SPATA3: variants seen among roughly 807,000 people sequenced by gnomAD.
SPATA3 encodes spermatogenesis associated 3.
A neutral mutation model predicts 5.7 loss-of-function variants in SPATA3; 6 were observed. That is an observed-to-expected ratio of 1.06 (90% CI 0.58 to 2.09). The LOEUF (loss-of-function observed/expected upper bound fraction) is 2.09. SPATA3 is among the 30% of genes most tolerant of loss of function. The probability of loss-of-function intolerance (pLI) is 0.00; values close to 1 mark genes in which losing one functional copy is unlikely to be tolerated. For missense variants in SPATA3, 155 were observed against 130.4 expected, an observed-to-expected ratio of 1.19 and a Z score of -0.92; for synonymous variants, 44 against 48.4, an observed-to-expected ratio of 0.91 and a Z score of 0.37.
chr2:230,996,946 AC>A (rs1559192691), intron 1 of SPATA3, among the ~76,000 whole-genome samples: 1 of 152,224 alleles, frequency 6.6e-6, no homozygotes, highest in Non-Finnish European at 1.5e-5. Flanking sequence ...AAGATGCCTG[AC>A]AAACTAGTCC....
chr2:230,996,496 A>G (rs920394419), intron 1 of SPATA3: 1 of 1,551,980 alleles, frequency 6.4e-7, no homozygotes, highest in African/African-American at 1.4e-5. Context: ...TTATCTCCAG[A>G]TGCTAACGTG....
Position 230,999,928 on chromosome 2 carries a change from C to T in SPATA3, c.791-438C>T, listed in dbSNP as rs75688175. 976 of 159,502 alleles carry T rather than the reference C, an allele frequency of 6.1e-3. 8 individuals are homozygous for T. The highest frequency in any genetic ancestry group is 0.022 in the African/African-American group (917 of 41,724). 9.9% of individuals were successfully genotyped at this position (159,502 alleles called of 1,614,324 possible). Reference sequence around the variant, plus strand: ...GGCATATCCCTTAAATTAGCTGAGCCTCAGTTTCCTTATTTGTAAAACAAG... The same window carrying T: ...GGCATATCCCTTAAATTAGCTGAGCTTCAGTTTCCTTATTTGTAAAACAAG... On this transcript the variant is annotated intron_variant, in intron 1 of 2. Transcript: ENST00000645363.
chr2:230,999,681 G>GACAGAA (rs969746334), intron 1 of SPATA3: 2 of 169,018 alleles, frequency 1.2e-5, no homozygotes, highest in African/African-American at 4.8e-5. Flanking sequence ...ACCAGAGGAG[G>GACAGAA]ACAGAAACAG....
intron 6 of SPATA3, among the ~76,000 whole-genome samples, chr2:231,016,472 T>C (rs1363732472): frequency 1.6e-5 from 2 of 127,502 alleles, no homozygotes; most frequent in African/African-American, 6.3e-5. Flanking sequence ...TGGATCGAGA[T>C]CAGCCTGGTC....
chr2:231,018,756 G>T (rs1246383595), intron 6 of SPATA3, among the ~76,000 whole-genome samples: 1 of 151,678 alleles, frequency 6.6e-6, no homozygotes, highest in Non-Finnish European at 1.5e-5. Context: ...CATAATCTCA[G>T]CTCACTGCAA....
chr2:231,007,759 TG>T (rs1272443328), downstream of SPATA3, among the ~76,000 whole-genome samples: 1 of 152,224 alleles, frequency 6.6e-6, no homozygotes, highest in African/African-American at 2.4e-5. Context: ...AGCCAGTGCC[TG>T]GTGCGATTCT....
intron 2 of SPATA3, among the ~76,000 whole-genome samples, chr2:231,001,844 A>G (rs562082492): frequency 4.6e-5 from 7 of 152,348 alleles, no homozygotes; most frequent in African/African-American, 1.7e-4. Flanking sequence ...TGTGTCCTCT[A>G]GGAGAGGCTC....
downstream of SPATA3, among the ~76,000 whole-genome samples, chr2:231,011,085 A>AAAAAAAAG (rs568384228): frequency 6.8e-6 from 1 of 146,182 alleles, no homozygotes; most frequent in African/African-American, 2.7e-5. Flanking sequence ...AAAAAAAAAA[A>AAAAAAAAG]AAAAGAAAAG....
chr2:231,018,986 AGAT>A (rs1693004074), intron 6 of SPATA3, among the ~76,000 whole-genome samples: 1 of 42,322 alleles, frequency 2.4e-5, no homozygotes, highest in Non-Finnish European at 4.8e-5. Context: ...TTTTTTTTTG[AGAT>A]GGAGTCTCAC....
downstream of SPATA3, among the ~76,000 whole-genome samples, chr2:231,005,139 CCACCACCAT>C (rs1205159791): frequency 7.5e-5 from 3 of 39,978 alleles, no homozygotes; most frequent in South Asian, 1.7e-3. Flanking sequence ...ATCATCACCA[CCACCACCAT>C]CACCATCACC....
chr2:231,006,777 T>C (rs1259398280), downstream of SPATA3: 1 of 152,206 alleles, frequency 6.6e-6, no homozygotes, highest in East Asian at 1.9e-4. Flanking sequence ...AAGATGCTTC[T>C]AGAATTTTCT....
At chr2:231,011,072 C>CAAAAAAAAAAAAA (rs556496371), downstream of SPATA3, among the ~76,000 whole-genome samples, 203 of 79,642 alleles carry the variant, frequency 2.5e-3, 3 homozygotes, top group Admixed American at 2.8e-3. Context: ...GACCCTGTCT[C>CAAAAAAAAAAAAA]AAAAAAAAAA....
In SPATA3 at chr2:231,019,220, T is replaced by C. The variant is rs181924015; in HGVS notation, c.*566-500T>C. 3.2e-3 allele frequency among the ~76,000 whole-genome samples: 482 copies of C among 149,852 alleles called. 15 individuals carry two copies. Among genetic ancestry groups the C allele is most frequent in the African/African-American group, 0.011 (452 of 40,342 alleles). Reference sequence around the variant, plus strand: ...TCCCGACCTTGTGATCCGCCCACCTTGGCCTCCCAAAGTGCCGGGATTACA... The same window carrying C: ...TCCCGACCTTGTGATCCGCCCACCTCGGCCTCCCAAAGTGCCGGGATTACA... On this transcript the variant is annotated intron_variant, in intron 6 of 8. Transcript: ENST00000452881.
chr2:230,998,334 A>G (rs539347078), intron 1 of SPATA3, among the ~76,000 whole-genome samples: 3 of 152,242 alleles, frequency 2.0e-5, no homozygotes, highest in Non-Finnish European at 4.4e-5. Flanking sequence ...TATATGTTGT[A>G]AAGATTGTGA....
intron 2 of SPATA3, among the ~76,000 whole-genome samples, chr2:231,001,515 G>A (rs1221551428): frequency 2.6e-5 from 4 of 152,092 alleles, no homozygotes; most frequent in Non-Finnish European, 1.5e-5. Flanking sequence ...ATAGATACCG[G>A]GGCGTGTGGG....
chr2:231,004,846 G>A (rs952637943), downstream of SPATA3, among the ~76,000 whole-genome samples: 6 of 152,040 alleles, frequency 3.9e-5, no homozygotes, highest in Non-Finnish European at 8.8e-5. Context: ...GGGGCATTGA[G>A]TGGAAAAAAT....
At chr2:230,998,536 C>T (rs138188648) in intron 1 of SPATA3, among the ~76,000 whole-genome samples, 1 of 152,174 alleles carries the variant, frequency 6.6e-6, no homozygotes, top group Non-Finnish European at 1.5e-5. Context: ...CCAGTGGTTA[C>T]AGCAGACACC....
chr2:231,015,928 T>G (rs1335186171), intron 6 of SPATA3, among the ~76,000 whole-genome samples: 2 of 152,214 alleles, frequency 1.3e-5, no homozygotes, highest in Non-Finnish European at 1.5e-5. Flanking sequence ...GGCAGGAGAC[T>G]CCTTAAAAAT....
chr2:231,008,401 A>G (rs1327286266), downstream of SPATA3, among the ~76,000 whole-genome samples: 1 of 152,152 alleles, frequency 6.6e-6, no homozygotes, highest in Non-Finnish European at 1.5e-5. Flanking sequence ...GCATCCACAG[A>G]CCCATGCCCA....
Sources: allele counts gnomAD v4.1 joint callset (sites outside exome capture counted in the v4.1 genomes callset), GRCh38; gene constraint gnomAD v4.1.1; transcripts MANE v1.5; gene names NCBI Gene and HGNC (gene_info 2026-07-23, HGNC 2026-07-21).